PDE1C: variants seen among roughly 807,000 people sequenced by gnomAD.
The protein encoded by PDE1C is phosphodiesterase 1C, also known as dual specificity calcium/calmodulin-dependent 3',5'-cyclic nucleotide phosphodiesterase 1C.
PDE1C carries 62 observed loss-of-function variants against 93.1 expected under a neutral mutation model. The observed-to-expected ratio is 0.67, with a 90% CI of 0.54 to 0.82. The LOEUF (loss-of-function observed/expected upper bound fraction) is 0.82. Among genes scored for constraint, PDE1C ranks in the 40% least tolerant of loss-of-function variants. The probability of loss-of-function intolerance (pLI) is 0.00; values close to 1 mark genes in which losing one functional copy is unlikely to be tolerated. For synonymous variants in PDE1C, 325 were observed against 310.1 expected (o/e 1.05, Z -0.50); for missense variants, 742 against 884.6 (o/e 0.84, Z 2.04).
chr7:32,055,095 A>T (rs1228435344), intron 1 of PDE1C, among the ~76,000 whole-genome samples: 1 of 152,232 alleles, frequency 6.6e-6, no homozygotes, highest in African/African-American at 2.4e-5. Flanking sequence ...CTTACCTGAC[A>T]TCTGCTAGTG....
intron 2 of PDE1C, among the ~76,000 whole-genome samples, chr7:32,201,828 G>GCAGT (rs1381701787): frequency 6.6e-6 from 1 of 152,170 alleles, no homozygotes; most frequent in African/African-American, 2.4e-5. Context: ...TGCATATTGT[G>GCAGT]GCTCTCTCTT....
intron 1 of PDE1C, among the ~76,000 whole-genome samples, chr7:32,220,553 C>T (rs11771370): frequency 0.22 from 34,187 of 152,036 alleles, 4,595 homozygotes; most frequent in East Asian, 0.41. Context: ...TGGTGGCTCA[C>T]GCCTGTGATC....
intron 1 of PDE1C, among the ~76,000 whole-genome samples, chr7:32,247,486 T>G (rs966049933): frequency 1.6e-5 from 2 of 121,930 alleles, no homozygotes; most frequent in Non-Finnish European, 3.7e-5. Context: ...AGCAATGGGA[T>G]AAAACTTGGC....
In PDE1C at chr7:32,159,500, T is replaced by C. The variant is rs115297466; in HGVS notation, c.308+10285A>G. Among the ~76,000 whole-genome samples the C allele has an allele frequency of 2.6e-3, 398 of 152,324 alleles. 3 individuals are homozygous for C. The highest frequency in any genetic ancestry group is 9.2e-3 in the African/African-American group (384 of 41,582). On this transcript the variant is annotated intron_variant, in intron 3 of 18. Coordinates refer to the PDE1C transcript ENST00000396193. Reference sequence around the variant, plus strand: ...CAACAAACAAATGCAGTTAAAGTCATTCATCATGGAAAGTTGTAAGGGGTG... The same window carrying C: ...CAACAAACAAATGCAGTTAAAGTCACTCATCATGGAAAGTTGTAAGGGGTG...
chr7:32,303,802 A>T (rs1230749770), upstream of PDE1C, among the ~76,000 whole-genome samples: 13 of 152,038 alleles, frequency 8.6e-5, no homozygotes, highest in Non-Finnish European at 1.3e-4. Context: ...CATATTATTC[A>T]TGCATCTGTG....
At chr7:32,212,642 G>A (rs900126621) in intron 1 of PDE1C, among the ~76,000 whole-genome samples, 1 of 152,086 alleles carries the variant, frequency 6.6e-6, no homozygotes, top group African/African-American at 2.4e-5. Context: ...CACTCTTCCT[G>A]CCTGGCTCTG....
chr7:32,302,889 G>A (rs909760751), upstream of PDE1C, among the ~76,000 whole-genome samples: 2 of 152,144 alleles, frequency 1.3e-5, no homozygotes, highest in Non-Finnish European at 2.9e-5. Context: ...GTAGGCCCAA[G>A]TTGCCCCAAT....
intron 1 of PDE1C, among the ~76,000 whole-genome samples, chr7:32,328,021 T>G (rs147245370): frequency 0.012 from 1,789 of 152,296 alleles, 39 homozygotes; most frequent in African/African-American, 0.041. Context: ...TTCCTTCACA[T>G]CTCTTGGTGC....
At chr7:31,890,826 A>G (rs1037061077) in intron 2 of PDE1C, among the ~76,000 whole-genome samples, 2 of 151,586 alleles carry the variant, frequency 1.3e-5, no homozygotes, top group African/African-American at 4.9e-5. Context: ...TAGGAAAAAA[A>G]CCTCAAAGAA....
At chr7:31,966,784 T>C (rs1043242593) in intron 2 of PDE1C, among the ~76,000 whole-genome samples, 1 of 152,124 alleles carries the variant, frequency 6.6e-6, no homozygotes, top group Admixed American at 6.5e-5. Flanking sequence ...GCAATCAAAC[T>C]AGAACTCAGG....
chr7:31,864,713 C>T (rs144646590), intron 7 of PDE1C, among the ~76,000 whole-genome samples: 74 of 152,210 alleles, frequency 4.9e-4, no homozygotes, highest in African/African-American at 1.5e-3. Context: ...CCAGTGAAGA[C>T]GCAAATCACT....
intron 1 of PDE1C, among the ~76,000 whole-genome samples, chr7:32,297,991 CTCTCTCCTCT>C (rs1812705784): frequency 2.5e-5 from 1 of 40,592 alleles, no homozygotes; most frequent in Non-Finnish European, 5.1e-5. Flanking sequence ...CTCTCTCTCT[CTCTCTCCTCT>C]CTCTCTCTCT....
intron 1 of PDE1C, among the ~76,000 whole-genome samples, chr7:32,218,132 A>G (rs1172304545): frequency 6.6e-6 from 1 of 152,186 alleles, no homozygotes; most frequent in East Asian, 1.9e-4. Context: ...TCAAGTCAGA[A>G]GCCTGCTCCT....
chr7:32,293,795 G>T (rs140839670), intron 1 of PDE1C, among the ~76,000 whole-genome samples: 312 of 152,198 alleles, frequency 2.0e-3, no homozygotes, highest in African/African-American at 7.2e-3. Context: ...TATTTTACCT[G>T]GAATCCTTAC....
intron 3 of PDE1C, among the ~76,000 whole-genome samples, chr7:32,086,403 A>G (rs1457897326): frequency 6.6e-6 from 1 of 152,172 alleles, no homozygotes; most frequent in African/African-American, 2.4e-5. Flanking sequence ...TAGGAAGAAT[A>G]AATATCGTGA....
intron 2 of PDE1C, among the ~76,000 whole-genome samples, chr7:32,205,935 G>A (rs1034376292): frequency 1.3e-5 from 2 of 152,138 alleles, no homozygotes; most frequent in Non-Finnish European, 2.9e-5. Context: ...CACACCATCT[G>A]TAAGAACTGT....
At chr7:31,860,031 G>A (rs1794493968) in intron 7 of PDE1C, among the ~76,000 whole-genome samples, 2 of 152,202 alleles carry the variant, frequency 1.3e-5, no homozygotes, top group East Asian at 1.9e-4. Context: ...GATTGTATAG[G>A]CCTCCCTGAG....
At chr7:31,970,316 C>T (rs562282432) in intron 2 of PDE1C, among the ~76,000 whole-genome samples, 1,886 of 152,080 alleles carry the variant, frequency 0.012, 16 homozygotes, top group Non-Finnish European at 0.021. Context: ...ATCTTTATGT[C>T]GAGCCCCAAT....
intron 3 of PDE1C, among the ~76,000 whole-genome samples, chr7:32,120,260 G>A (rs752001289): frequency 1.1e-4 from 17 of 152,202 alleles, no homozygotes. Flanking sequence ...GAGCCCCTAG[G>A]GGGAAGGGTG....
Sources: allele counts gnomAD v4.1 joint callset (sites outside exome capture counted in the v4.1 genomes callset), GRCh38; gene constraint gnomAD v4.1.1; transcripts MANE v1.5; gene names NCBI Gene and HGNC (gene_info 2026-07-23, HGNC 2026-07-21).